PARVB: variants seen among roughly 807,000 people sequenced by gnomAD.
PARVB encodes parvin beta.
Under a neutral mutation model 47.0 loss-of-function variants are expected in PARVB, and 46 were observed. The ratio of observed to expected loss-of-function variants is 0.98; its 90% CI spans 0.77 to 1.25. PARVB has a LOEUF of 1.25. PARVB is among the 50% of genes most tolerant of loss of function. The probability of loss-of-function intolerance (pLI) is 0.00; values close to 1 mark genes in which losing one functional copy is unlikely to be tolerated. For missense variants in PARVB, 473 were observed against 471.6 expected (o/e 1.00, Z -0.03); for synonymous variants, 196 against 196.3 (o/e 1.00, Z 0.01).
At chr22:44,084,974 C>A (rs998462444) in intron 1 of PARVB, among the ~76,000 whole-genome samples, 2 of 152,228 alleles carry the variant, frequency 1.3e-5, no homozygotes, top group Non-Finnish European at 2.9e-5. Flanking sequence ...GGTGGCAGAG[C>A]CTCCCTCTGT....
chr22:44,162,510 T>C (rs1183512864), intron 11 of PARVB, among the ~76,000 whole-genome samples: 1 of 122,218 alleles, frequency 8.2e-6, no homozygotes, highest in Non-Finnish European at 1.8e-5. Flanking sequence ...TTAGTAGAGA[T>C]GGGGTTTCAC....
At chr22:44,069,619 C>T (rs1569090081) in intron 1 of PARVB, among the ~76,000 whole-genome samples, 1 of 152,130 alleles carries the variant, frequency 6.6e-6, no homozygotes, top group Non-Finnish European at 1.5e-5. Flanking sequence ...ACCTCTGCCT[C>T]CCAGGTTCAA....
chr22:44,043,315 A>G (rs1204716764), intron 1 of PARVB, among the ~76,000 whole-genome samples: 1 of 152,194 alleles, frequency 6.6e-6, no homozygotes, highest in Non-Finnish European at 1.5e-5. Context: ...TTACATTGAC[A>G]ATGGTGATGG....
At position 44,049,445 on chromosome 22, in the gene PARVB, G is replaced by T. The variant is rs1364629088; in HGVS notation, c.112+24994G>T. Among the ~76,000 whole-genome samples the T allele has an allele frequency of 6.6e-6, 1 of 152,206 alleles. No homozygotes were observed. The highest frequency in any genetic ancestry group is 1.5e-5 in the Non-Finnish European group (1 of 68,034). On this transcript the variant is annotated intron_variant, in intron 1 of 12. Transcript: ENST00000338758. The surrounding 1 kb of genome is among the most constrained non-coding windows in gnomAD (Gnocchi z 4.0). Reference sequence around the variant, plus strand: ...GGTTCGTTTCTCAAGTTTAGCTCTTGTCTGATTAAATTTGGATTTGCTCCA... The same window carrying T: ...GGTTCGTTTCTCAAGTTTAGCTCTTTTCTGATTAAATTTGGATTTGCTCCA...
chr22:44,126,968 A>G (rs2053199065), intron 4 of PARVB, among the ~76,000 whole-genome samples: 1 of 152,188 alleles, frequency 6.6e-6, no homozygotes, highest in Non-Finnish European at 1.5e-5. Context: ...TTACAGGGGC[A>G]TCTTTAAAGC....
At chr22:44,127,216 C>G (rs1270772455) in intron 4 of PARVB, among the ~76,000 whole-genome samples, 1 of 151,662 alleles carries the variant, frequency 6.6e-6, no homozygotes, top group Non-Finnish European at 1.5e-5. Context: ...ATTCTAAAAT[C>G]TCTTGAGTGT....
At chr22:44,148,172 C>T in intron 9 of PARVB, 1 of 536,420 alleles carries the variant, frequency 1.9e-6, no homozygotes, top group Non-Finnish European at 3.4e-6. Context: ...AATTACCCAG[C>T]CCCCATTTCT....
At chr22:44,074,056 G>A (rs1248832653) in intron 1 of PARVB, among the ~76,000 whole-genome samples, 4 of 152,236 alleles carry the variant, frequency 2.6e-5, no homozygotes, top group Non-Finnish European at 5.9e-5. Context: ...CCTCTGTTCG[G>A]GTTGAAGACA....
intron 12 of PARVB, among the ~76,000 whole-genome samples, chr22:44,164,243 C>T (rs2054116054): frequency 6.6e-6 from 1 of 152,186 alleles, no homozygotes. Flanking sequence ...AGCTTCGTGC[C>T]CTGAGAAGAA....
At chr22:44,158,383 T>G (rs1360379491) in intron 11 of PARVB, among the ~76,000 whole-genome samples, 7 of 152,244 alleles carry the variant, frequency 4.6e-5, no homozygotes, top group African/African-American at 1.7e-4. Context: ...TCCCCCATTC[T>G]GCTGCAGCTC....
intron 1 of PARVB, among the ~76,000 whole-genome samples, chr22:44,050,361 A>T (rs112062131): frequency 7.5e-5 from 11 of 146,424 alleles, no homozygotes; most frequent in African/African-American, 2.8e-4. Context: ...TTTTTTTTTT[A>T]AGACTGAGTT....
chr22:44,026,284 G>T (rs1304197696), intron 1 of PARVB: 2 of 983,354 alleles, frequency 2.0e-6, no homozygotes, highest in South Asian at 4.7e-5. Context: ...CAAGAATTCC[G>T]GTAGCAGGAA....
intron 2 of PARVB, among the ~76,000 whole-genome samples, chr22:44,006,773 C>A (rs1219944799): frequency 6.6e-6 from 1 of 152,156 alleles, no homozygotes; most frequent in African/African-American, 2.4e-5. Flanking sequence ...ATACCTTCAG[C>A]CCTCTCCTCT....
At chr22:44,106,117 A>G (rs2147082907) in intron 3 of PARVB, 1 of 139,126 alleles carries the variant, frequency 7.2e-6, no homozygotes, top group African/African-American at 2.7e-5. Flanking sequence ...GGCGTGAGCC[A>G]TTGCATGCCC....
intron 3 of PARVB, chr22:44,105,907 C>G (rs959589578): frequency 6.6e-6 from 1 of 152,366 alleles, no homozygotes; most frequent in African/African-American, 2.4e-5. Context: ...CAGCTTACTG[C>G]AACCTCTGCC....
chr22:44,014,198 C>T lies in PARVB; in HGVS notation c.211+14525C>T, dbSNP rs369934714. Among the ~76,000 whole-genome samples the T allele has an allele frequency of 3.9e-5, 6 of 152,240 alleles. No homozygotes were observed. In the South Asian group the frequency reaches 1.0e-3, roughly 26 times the overall value. Reference sequence around the variant, plus strand: ...TCAAACACACTGGACTCAGGTCCCTCTTTCTGCAGGCCCAGATTCTCCAAG... The same window carrying T: ...TCAAACACACTGGACTCAGGTCCCTTTTTCTGCAGGCCCAGATTCTCCAAG... On this transcript the variant is annotated intron_variant, in intron 2 of 13. Transcript: ENST00000406477.
At chr22:44,013,277 T>C (rs1012089208) in intron 2 of PARVB, among the ~76,000 whole-genome samples, 5 of 152,252 alleles carry the variant, frequency 3.3e-5, no homozygotes, top group Non-Finnish European at 7.3e-5. Flanking sequence ...ATGTAAAGAA[T>C]CCAAATTATC....
At chr22:44,056,209 T>G (rs5764491) in intron 1 of PARVB, among the ~76,000 whole-genome samples, 2 of 152,138 alleles carry the variant, frequency 1.3e-5, no homozygotes, top group Non-Finnish European at 2.9e-5. Context: ...CCCATTTACT[T>G]GGGGCACCGC....
At chr22:44,000,079 G>A (rs1197479118) in intron 2 of PARVB, among the ~76,000 whole-genome samples, 4 of 152,172 alleles carry the variant, frequency 2.6e-5, no homozygotes, top group Non-Finnish European at 5.9e-5. Context: ...TGTTGGGGCT[G>A]TTTACCAAAT....
Sources: allele counts gnomAD v4.1 joint callset (sites outside exome capture counted in the v4.1 genomes callset), GRCh38; gene constraint gnomAD v4.1.1; non-coding constraint Gnocchi (gnomAD v3.1); transcripts MANE v1.5; gene names NCBI Gene and HGNC (gene_info 2026-07-23, HGNC 2026-07-21).